VEPH1: variants seen among roughly 807,000 people sequenced by gnomAD.
VEPH1 encodes ventricular zone-expressed PH domain-containing protein homolog 1.
Under a neutral mutation model 85.2 loss-of-function variants are expected in VEPH1, and 80 were observed. That is an observed-to-expected ratio of 0.94 (90% confidence interval 0.78 to 1.13). VEPH1 has a LOEUF of 1.13. VEPH1 is among the 50% of genes most tolerant of loss of function. The pLI is 0.00. For missense variants in VEPH1, 955 were observed against 980.5 expected (o/e 0.97, Z 0.35); for synonymous variants, 297 against 348.0 (o/e 0.85, Z 1.63).
intron 3 of VEPH1, among the ~76,000 whole-genome samples, chr3:157,469,366 C>G (rs1736704335): frequency 6.6e-6 from 1 of 152,194 alleles, no homozygotes; most frequent in Admixed American, 6.5e-5. Flanking sequence ...TCAGCTGCAA[C>G]ATGCACTGCT....
chr3:157,378,053 T>G (rs1728325214), intron 7 of VEPH1, among the ~76,000 whole-genome samples: 1 of 152,016 alleles, frequency 6.6e-6, no homozygotes, highest in African/African-American at 2.4e-5. Context: ...TGGCACATGT[T>G]AGCCATGGCT....
intron 2 of VEPH1, among the ~76,000 whole-genome samples, chr3:157,492,633 G>A (rs1427206208): frequency 6.6e-6 from 1 of 152,072 alleles, no homozygotes; most frequent in East Asian, 1.9e-4. Context: ...GATTGTTGGG[G>A]GCAGAGAACA....
At chr3:157,493,116 G>GT (rs1191173864) in intron 2 of VEPH1, 1 of 397,196 alleles carries the variant, frequency 2.5e-6, no homozygotes, top group Non-Finnish European at 5.0e-6. Context: ...TGCCATCAAG[G>GT]TTTTATGCAA....
intron 2 of VEPH1, among the ~76,000 whole-genome samples, chr3:157,486,433 T>C (rs1438682956): frequency 1.3e-5 from 2 of 149,430 alleles, no homozygotes; most frequent in Non-Finnish European, 3.0e-5. Context: ...GAGGCGGAGG[T>C]TGCAGTTAGC....
chr3:157,321,273 T>G (rs916449189), intron 9 of VEPH1, among the ~76,000 whole-genome samples: 3 of 152,162 alleles, frequency 2.0e-5, no homozygotes, highest in Admixed American at 2.0e-4. Flanking sequence ...GAAACTGTAT[T>G]TCTACAATGA....
At chr3:157,468,887 T>C (rs1736646264) in intron 3 of VEPH1, among the ~76,000 whole-genome samples, 2 of 152,116 alleles carry the variant, frequency 1.3e-5, no homozygotes, top group Admixed American at 6.6e-5. Context: ...GTTCCCCCAC[T>C]CACCCTGGGA....
At chr3:157,365,446 C>A (rs937644092) in intron 7 of VEPH1, among the ~76,000 whole-genome samples, 4 of 152,004 alleles carry the variant, frequency 2.6e-5, no homozygotes, top group African/African-American at 9.7e-5. Context: ...GTTTTTTTCT[C>A]ATACCAACTA....
At chr3:157,455,676 A>T (rs1341481158) in intron 4 of VEPH1, among the ~76,000 whole-genome samples, 1 of 152,038 alleles carries the variant, frequency 6.6e-6, no homozygotes, top group Non-Finnish European at 1.5e-5. Flanking sequence ...AACATGCGGT[A>T]TTTGGTTTCC....
chr3:157,395,356 T>C (rs1214452351), intron 6 of VEPH1, among the ~76,000 whole-genome samples: 1 of 152,184 alleles, frequency 6.6e-6, no homozygotes, highest in Non-Finnish European at 1.5e-5. Context: ...CAGTGCCATA[T>C]AGAGGGCTCA....
intron 4 of VEPH1, among the ~76,000 whole-genome samples, chr3:157,438,956 G>A (rs6806952): frequency 0.05 from 7,679 of 152,218 alleles, 667 homozygotes; most frequent in African/African-American, 0.17. Flanking sequence ...GCTGGATGGG[G>A]AGGGGGAAGA....
chr3:157,447,925 C>G (rs565994074), intron 4 of VEPH1, among the ~76,000 whole-genome samples: 1 of 151,996 alleles, frequency 6.6e-6, no homozygotes, highest in African/African-American at 2.4e-5. Context: ...GGACCTGGTA[C>G]ACAGCAGATA....
At chr3:157,491,083 A>G (rs1739175618) in intron 2 of VEPH1, among the ~76,000 whole-genome samples, 1 of 152,148 alleles carries the variant, frequency 6.6e-6, no homozygotes, top group Non-Finnish European at 1.5e-5. Flanking sequence ...TGTGTAGCAA[A>G]AACAAAAACA....
At chr3:157,420,132 A>T (rs991918411) in intron 5 of VEPH1, among the ~76,000 whole-genome samples, 12 of 149,428 alleles carry the variant, frequency 8.0e-5, no homozygotes, top group African/African-American at 2.9e-4. Flanking sequence ...TGAGAATACA[A>T]GCATACGATA....
chr3:157,329,197 T>A (rs1057088861), intron 9 of VEPH1, among the ~76,000 whole-genome samples: 1 of 152,202 alleles, frequency 6.6e-6, no homozygotes, highest in Non-Finnish European at 1.5e-5. Flanking sequence ...TTATTGCAGT[T>A]TTTATCTTTA....
chr3:157,452,226 T>C (rs947303720), intron 4 of VEPH1, among the ~76,000 whole-genome samples: 2 of 152,064 alleles, frequency 1.3e-5, no homozygotes, highest in African/African-American at 4.8e-5. Flanking sequence ...TGGGTACATC[T>C]TGCAAATGGA....
chr3:157,391,213 A>C (rs1186541051), intron 6 of VEPH1, among the ~76,000 whole-genome samples: 1 of 152,232 alleles, frequency 6.6e-6, no homozygotes, highest in Non-Finnish European at 1.5e-5. Context: ...CAATGGTCAC[A>C]AGGAAAACTT....
At chr3:157,442,414 G>A in intron 4 of VEPH1, 3 of 1,613,800 alleles carry the variant, frequency 1.9e-6, no homozygotes, top group Non-Finnish European at 2.5e-6. Flanking sequence ...AAGATTTTTG[G>A]AAGCGTGCAT....
At chr3:157,307,671 A>G (rs1463414626) in intron 11 of VEPH1, among the ~76,000 whole-genome samples, 1 of 151,768 alleles carries the variant, frequency 6.6e-6, no homozygotes, top group Non-Finnish European at 1.5e-5. Context: ...TTCCTCCCCC[A>G]CAGTCTTTCT....
At chr3:157,453,438 T>C (rs1342585485) in intron 4 of VEPH1, among the ~76,000 whole-genome samples, 2 of 152,234 alleles carry the variant, frequency 1.3e-5, no homozygotes, top group Non-Finnish European at 2.9e-5. Context: ...TTGAATGATA[T>C]AATCGGTATA....
Sources: gnomAD v4.1 joint callset for allele counts (sites outside exome capture counted in the v4.1 genomes callset) on GRCh38, gnomAD v4.1.1 for gene constraint, MANE v1.5 for transcripts, NCBI Gene and HGNC (gene_info 2026-07-23, HGNC 2026-07-21) for gene names.